Variants in GATB observed in about 807,000 individuals in gnomAD.
GATB encodes the protein glutamyl-tRNA(Gln) amidotransferase subunit B, mitochondrial.
GATB carries 39 observed loss-of-function variants against 62.3 expected under a neutral mutation model. That is an observed-to-expected ratio of 0.63 (90% CI 0.48 to 0.82). The LOEUF (loss-of-function observed/expected upper bound fraction) is 0.82, where lower values mean the gene tolerates loss of function less well. Ranked by LOEUF, GATB falls within the 40% of genes least tolerant of loss-of-function variation. GATB has a pLI of 0.00. For synonymous variants in GATB, 276 were observed against 258.9 expected (o/e 1.07, Z -0.63); for missense variants, 670 against 684.0 (o/e 0.98, Z 0.23).
Position 151,760,808 on chromosome 4 carries a change from CT to C in GATB, c.174del (p.Gly59ValfsTer9). The C allele has an allele frequency of 6.2e-7, 1 of 1,601,910 alleles. No individual in the cohort carries two copies. The highest frequency in any genetic ancestry group is 8.5e-7 in the Non-Finnish European group (1 of 1,173,868). On this transcript the variant is annotated frameshift_variant and splice_region_variant, in exon 1 of 13. Transcript: ENST00000263985. LOFTEE classifies it high-confidence loss of function. ...GCAGAAATGTATGAAACAGAATACC[CT>C]TTCCTCGTCTTCTGGGCCGTGTGGA... Reference protein sequence around the residue: ...QPLHTAQKTRKGEHKWAAVVG... With the variant: ...QPLHTAQKTRXGEHKWAAVVG...
chr4:151,720,102 C>G (rs1047808906), intron 2 of GATB: 2 of 152,480 alleles, frequency 1.3e-5, no homozygotes, highest in African/African-American at 4.8e-5. Context: ...CAACGGAGGG[C>G]CTGTCCCACA....
intron 9 of GATB, among the ~76,000 whole-genome samples, chr4:151,693,234 A>C (rs1738402083): frequency 6.6e-6 from 1 of 152,186 alleles, no homozygotes; most frequent in African/African-American, 2.4e-5. Flanking sequence ...ATGGCAATGA[A>C]GCAAAGAGGC....
At chr4:151,743,894 G>A (rs1292293031) in intron 2 of GATB, among the ~76,000 whole-genome samples, 2 of 152,182 alleles carry the variant, frequency 1.3e-5, no homozygotes, top group African/African-American at 4.8e-5. Context: ...TAATCATTGA[G>A]AAGTGAAAAA....
intron 5 of GATB, among the ~76,000 whole-genome samples, chr4:151,715,580 G>A (rs1463691478): frequency 1.3e-5 from 2 of 152,098 alleles, no homozygotes; most frequent in Non-Finnish European, 2.9e-5. Context: ...ATATAATTTG[G>A]CTTCCGCTGT....
At chr4:151,687,264 G>A (rs990659058) in intron 10 of GATB, among the ~76,000 whole-genome samples, 1 of 152,200 alleles carries the variant, frequency 6.6e-6, no homozygotes, top group African/African-American at 2.4e-5. Flanking sequence ...AGCCCCGTGG[G>A]GGTGATGTCT....
intron 5 of GATB, among the ~76,000 whole-genome samples, chr4:151,709,639 C>T (rs1738779584): frequency 6.6e-6 from 1 of 152,194 alleles, no homozygotes; most frequent in South Asian, 2.1e-4. Flanking sequence ...TTTCCATTTC[C>T]ATGGCTACCA....
intron 2 of GATB, among the ~76,000 whole-genome samples, chr4:151,737,357 A>G (rs574217669): frequency 6.6e-6 from 1 of 152,328 alleles, no homozygotes; most frequent in African/African-American, 2.4e-5. Context: ...TTTGAACTTG[A>G]GAGAGATGAT....
chr4:151,707,939 G>T, intron 6 of GATB, 49 bp downstream of exon 6: 1 of 1,251,238 alleles, frequency 8.0e-7, no homozygotes. Context: ...TACCCAGCAA[G>T]AGAGAAACAA....
At chr4:151,690,489 G>A (rs1321751440) in intron 9 of GATB, among the ~76,000 whole-genome samples, 7 of 152,232 alleles carry the variant, frequency 4.6e-5, no homozygotes, top group Non-Finnish European at 1.0e-4. Flanking sequence ...AATCACTGGG[G>A]AAGCAGAAAA....
Position 151,688,729 on chromosome 4 carries a change from A to C in GATB, c.1232T>G (p.Val411Gly). 3.7e-6 allele frequency: 6 copies of C among 1,610,186 alleles called. No individual in the cohort carries two copies. Among genetic ancestry groups the C allele is most frequent in the Non-Finnish European group, 5.1e-6 (6 of 1,178,960 alleles). Residue 411 changes from valine to glycine, a missense_variant, in exon 10 of 13, where the codon GTG (valine) becomes GGG (glycine). By Grantham distance (109) the Val-to-Gly change is moderately radical. Coordinates refer to ENST00000263985, the MANE Select transcript of GATB (RefSeq NM_004564.3). ...TGGCTCTGCCCTAGTTTCTTTTATCACATTTTGGAAGAACTCCAGTAGGCC... is the reference window on the plus strand; with the variant it reads ...TGGCTCTGCCCTAGTTTCTTTTATCCCATTTTGGAAGAACTCCAGTAGGCC... ...EVGLLEFFQN[V>G]IKETRAEPKK...
chr4:151,759,088 A>G (rs1739898511), intron 1 of GATB, among the ~76,000 whole-genome samples, 166 bp from the exon 2 acceptor site: 1 of 152,254 alleles, frequency 6.6e-6, no homozygotes, highest in Admixed American at 6.5e-5. Context: ...ACTAAATAAA[A>G]AACAATTTAG....
chr4:151,724,918 C>T (rs570328587), intron 2 of GATB, among the ~76,000 whole-genome samples: 6 of 152,220 alleles, frequency 3.9e-5, no homozygotes, highest in African/African-American at 1.4e-4. Flanking sequence ...CCTTTATCAA[C>T]ATTCAAAAGA....
chr4:151,723,019 GA>G (rs1441447140), intron 2 of GATB: 1 of 152,224 alleles, frequency 6.6e-6, no homozygotes, highest in Non-Finnish European at 1.5e-5. Context: ...TTGGCTTGAA[GA>G]AAGTATGTTC....
intron 4 of GATB, 66 bp from the exon 5 acceptor site, chr4:151,716,197 C>T: frequency 6.4e-7 from 1 of 1,552,910 alleles, no homozygotes; most frequent in South Asian, 1.2e-5. Context: ...AAAATTAGGC[C>T]TAAGTTTCAG....
chr4:151,671,412 C>T (rs1023585356), intron 12 of GATB, 110 bp from the exon 13 acceptor site: 1 of 1,043,944 alleles, frequency 9.6e-7, no homozygotes. Context: ...CTTATTTCCA[C>T]TAGTATTAGA....
intron 11 of GATB, among the ~76,000 whole-genome samples, chr4:151,676,728 A>G (rs998044784): frequency 6.6e-6 from 1 of 152,178 alleles, no homozygotes; most frequent in African/African-American, 2.4e-5. Context: ...ACTGCTCATG[A>G]TGATATATAA....
intron 2 of GATB, among the ~76,000 whole-genome samples, chr4:151,735,683 G>A (rs1739356892): frequency 6.9e-6 from 1 of 145,492 alleles, no homozygotes. Context: ...CTGCAAAATC[G>A]TGGAACCAAC....
chr4:151,739,438 T>C (rs1350590787), intron 2 of GATB, among the ~76,000 whole-genome samples: 1 of 152,160 alleles, frequency 6.6e-6, no homozygotes, highest in Admixed American at 6.5e-5. Flanking sequence ...TGCCAAGATT[T>C]TTAAAAGAGC....
chr4:151,682,695 C>G (rs943303795), intron 10 of GATB, among the ~76,000 whole-genome samples: 1 of 152,008 alleles, frequency 6.6e-6, no homozygotes, highest in Non-Finnish European at 1.5e-5. Context: ...CACCCCCGAC[C>G]CCCCGTGAAC....
Sources: allele counts gnomAD v4.1 joint callset (sites outside exome capture counted in the v4.1 genomes callset), GRCh38; gene constraint gnomAD v4.1.1; transcripts MANE v1.5; gene names NCBI Gene and HGNC (gene_info 2026-07-23, HGNC 2026-07-21).